Variants in ARNT observed in about 807,000 individuals in gnomAD.
The protein encoded by ARNT is class E basic helix-loop-helix protein 2.
Under a neutral mutation model 105.0 loss-of-function variants are expected in ARNT, and 30 were observed. That is an observed-to-expected ratio of 0.29 (90% CI 0.21 to 0.39). The LOEUF (loss-of-function observed/expected upper bound fraction) is 0.39, where lower values mean the gene tolerates loss of function less well. Among genes scored for constraint, ARNT ranks in the 10% least tolerant of loss-of-function variants. The pLI, the probability that ARNT is intolerant of heterozygous loss-of-function variation, is 1.00. For missense variants in ARNT, 748 were observed against 978.7 expected (o/e 0.76, Z 3.15); for synonymous variants, 304 against 344.0 (o/e 0.88, Z 1.29).
chr1:150,821,504 A>G (rs1210032076), intron 14 of ARNT, among the ~76,000 whole-genome samples: 2 of 152,252 alleles, frequency 1.3e-5, no homozygotes, highest in Non-Finnish European at 2.9e-5. Flanking sequence ...GGTGGCTACC[A>G]AATTATTACA....
At chr1:150,840,270 A>G (rs1291675949) in intron 5 of ARNT, among the ~76,000 whole-genome samples, 2 of 151,394 alleles carry the variant, frequency 1.3e-5, no homozygotes, top group Non-Finnish European at 3.0e-5. Flanking sequence ...AAAACAAGAG[A>G]AAAAAAAAGA....
intron 1 of ARNT, 107 bp downstream of exon 1, chr1:150,876,436 C>T: frequency 5.3e-6 from 8 of 1,508,690 alleles, no homozygotes; most frequent in African/African-American, 2.9e-5. Context: ...CCCGCCCCGC[C>T]CCGGCGCCTT....
At chr1:150,859,344 C>CTT (rs587772891) in intron 1 of ARNT, among the ~76,000 whole-genome samples, 4 of 133,902 alleles carry the variant, frequency 3.0e-5, no homozygotes, top group South Asian at 2.5e-4. Flanking sequence ...CAGCTGAGTA[C>CTT]TTTTTTTTTT....
At chr1:150,868,342 A>G (rs1205227319) in intron 1 of ARNT, among the ~76,000 whole-genome samples, 1 of 152,096 alleles carries the variant, frequency 6.6e-6, no homozygotes, top group Non-Finnish European at 1.5e-5. Context: ...AAGGGTGAGA[A>G]GAGAAAAGTA....
rs1432483145 is a variant in ARNT at position 150,811,025 on chromosome 1, A to C, written c.*996T>G. The C allele has an allele frequency of 4.3e-6, 1 of 231,270 alleles. No homozygotes were observed. The highest frequency in any genetic ancestry group is 2.2e-5 in the African/African-American group (1 of 45,228). 14.3% of individuals were successfully genotyped at this position (231,270 alleles called of 1,614,324 possible). ...GAGTTTCCATGCAGAAATAACCTCT[A>C]CAGAACACACATCATATGTGATTCT... On this transcript the variant is annotated 3_prime_UTR_variant, in exon 22 of 22. Coordinates refer to ENST00000358595, the MANE Select transcript of ARNT (RefSeq NM_001668.4).
At position 150,839,486 on chromosome 1, in the gene ARNT, G is replaced by A. The variant is rs748388183; in HGVS notation, c.441C>T (p.Asn147=). The A allele has an allele frequency of 6.2e-7, 1 of 1,614,218 alleles. No individual in the cohort carries two copies. Among genetic ancestry groups the A allele is most frequent in the East Asian group, 2.2e-5 (1 of 44,888 alleles). Reference sequence around the variant, plus strand: ...GCTTATAGGAGCCATCAGTGGATGTGTTGCCAGTTCCCCGCAAGGACTTCA... The same window carrying A: ...GCTTATAGGAGCCATCAGTGGATGTATTGCCAGTTCCCCGCAAGGACTTCA... ...SHMKSLRGTG[N]TSTDGSYKPS... The change falls in exon 6 of 22, where the codon AAC becomes AAT. Residue 147 remains asparagine (N), a synonymous_variant. Transcript: ENST00000358595.
intron 12 of ARNT, among the ~76,000 whole-genome samples, chr1:150,828,795 T>G (rs1658787089): frequency 6.6e-6 from 1 of 152,242 alleles, no homozygotes. Flanking sequence ...TAAATGTAGC[T>G]ATACTGGTAT....
intron 18 of ARNT, 144 bp from the exon 19 acceptor site, chr1:150,816,550 A>C: frequency 9.0e-7 from 1 of 1,107,744 alleles, no homozygotes; most frequent in Non-Finnish European, 1.2e-6. Context: ...GGAAAAGACA[A>C]GAAAGACTGA....
chr1:150,862,048 A>G (rs1260434840), intron 1 of ARNT, among the ~76,000 whole-genome samples: 2 of 152,208 alleles, frequency 1.3e-5, no homozygotes, highest in Admixed American at 6.5e-5. Context: ...TAACCCCACC[A>G]TAAGTACAGA....
chr1:150,873,473 T>C (rs1015996567), intron 1 of ARNT, among the ~76,000 whole-genome samples: 1 of 152,088 alleles, frequency 6.6e-6, no homozygotes, highest in African/African-American at 2.4e-5. Context: ...CACAGAACTA[T>C]TACTTCAACA....
chr1:150,836,294 T>G lies in ARNT; in HGVS notation c.686A>C (p.Glu229Ala). 1 of 1,614,146 alleles carries G rather than the reference T, an allele frequency of 6.2e-7. No homozygotes were observed. The highest frequency in any genetic ancestry group is 8.5e-7 in the Non-Finnish European group (1 of 1,180,004). Residue 229 changes from glutamate (E) to alanine (A), a missense_variant, in exon 7 of 22, where the codon GAA becomes GCA. Physicochemically the swap from Glu to Ala is moderately radical, Grantham distance 107 (BLOSUM62 -1). Around this residue, in one of 4 missense-constraint regions of ARNT, gnomAD observed 291 missense variants for 444.6 expected, o/e 0.65. Coordinates refer to ENST00000358595, the MANE Select transcript of ARNT (RefSeq NM_001668.4). ...ATAACTCTCACCTGTCAGGGCATTT[T>G]CTGAAGTGGAAAGCTGCTCACGAAG... is the stretch of plus-strand genomic sequence containing the variant. ...DKLREQLSTS[E>A]NALTGRILDL...
intron 3 of ARNT, among the ~76,000 whole-genome samples, chr1:150,850,745 C>T (rs1366902202): frequency 2.0e-5 from 3 of 151,992 alleles, no homozygotes; most frequent in Non-Finnish European, 2.9e-5. Context: ...GGCCGCCCAT[C>T]GTCTGGGATG....
At chr1:150,814,463 TA>T (rs1439671875) in intron 19 of ARNT, among the ~76,000 whole-genome samples, 4 of 152,176 alleles carry the variant, frequency 2.6e-5, no homozygotes, top group African/African-American at 9.7e-5. Context: ...ATGGGATTAA[TA>T]AAAATTGTAA....
intron 3 of ARNT, among the ~76,000 whole-genome samples, chr1:150,852,146 C>T (rs587727404): frequency 6.6e-6 from 1 of 152,250 alleles, no homozygotes; most frequent in South Asian, 2.1e-4. Context: ...AGATTAATGA[C>T]ACCTCAACCA....
intron 1 of ARNT, among the ~76,000 whole-genome samples, chr1:150,876,246 C>A (rs1668228586): frequency 6.6e-6 from 1 of 152,176 alleles, no homozygotes; most frequent in Admixed American, 6.5e-5. Flanking sequence ...GACCAGACGC[C>A]GACCGAGGAG....
At chr1:150,876,278 C>A (rs961010740) in intron 1 of ARNT, among the ~76,000 whole-genome samples, 1 of 152,212 alleles carries the variant, frequency 6.6e-6, no homozygotes, top group South Asian at 2.1e-4. Flanking sequence ...CAGCCCCGCA[C>A]TGGCTGCCGC....
chr1:150,818,056 G>T (rs1180953893), intron 14 of ARNT, 26 bp from the exon 15 acceptor site: 7 of 1,528,724 alleles, frequency 4.6e-6, no homozygotes, highest in Non-Finnish European at 6.3e-6. Flanking sequence ...AGACAGTAAA[G>T]AGGGGGTGGA....
chr1:150,848,745 T>A (rs1279453681), intron 3 of ARNT, among the ~76,000 whole-genome samples: 1 of 152,098 alleles, frequency 6.6e-6, no homozygotes, highest in South Asian at 2.1e-4. Context: ...TTGCCCAGAC[T>A]GGTCCTGAAT....
chr1:150,854,782 G>C (rs587741401), intron 2 of ARNT, among the ~76,000 whole-genome samples: 1 of 150,370 alleles, frequency 6.7e-6, no homozygotes, highest in Non-Finnish European at 1.5e-5. Flanking sequence ...GCCTGAACCC[G>C]GGAGGCAGAG....
Sources: allele counts gnomAD v4.1 joint callset (sites outside exome capture counted in the v4.1 genomes callset), GRCh38; gene constraint gnomAD v4.1.1; regional missense constraint gnomAD v4.1.1; transcripts MANE v1.5; gene names NCBI Gene and HGNC (gene_info 2026-07-23, HGNC 2026-07-21).